The following PLD5 variants were observed in gnomAD, a reference collection of about 807,000 sequenced individuals.
PLD5 encodes the protein phospholipase D family member 5, also known as inactive phospholipase D5.
Under a neutral mutation model 61.1 loss-of-function variants are expected in PLD5, and 36 were observed. The observed-to-expected ratio is 0.59, with a 90% CI of 0.45 to 0.78. The LOEUF (loss-of-function observed/expected upper bound fraction) is 0.78, where lower values mean the gene tolerates loss of function less well. Among genes scored for constraint, PLD5 ranks in the 30% least tolerant of loss-of-function variants. The pLI is 0.00. For synonymous variants in PLD5, 243 were observed against 242.8 expected (o/e 1.00, Z -0.01); for missense variants, 515 against 644.4 (o/e 0.80, Z 2.17).
intron 2 of PLD5, among the ~76,000 whole-genome samples, chr1:242,302,811 TTC>T (rs1225896447): frequency 6.6e-6 from 1 of 152,168 alleles, no homozygotes; most frequent in Non-Finnish European, 1.5e-5. Flanking sequence ...ACATGTAAGC[TTC>T]TGTTTGTTTT....
At chr1:242,335,903 C>T (rs1002209751) in intron 2 of PLD5, among the ~76,000 whole-genome samples, 1 of 152,112 alleles carries the variant, frequency 6.6e-6, no homozygotes, top group African/African-American at 2.4e-5. Flanking sequence ...ATTAGATGTG[C>T]TCTGTGAGTG....
At chr1:242,468,617 T>A (rs1297323947) in intron 1 of PLD5, among the ~76,000 whole-genome samples, 1 of 152,098 alleles carries the variant, frequency 6.6e-6, no homozygotes, top group East Asian at 1.9e-4. Context: ...CATTCTACTC[T>A]TTACTTAACA....
chr1:242,377,196 C>T, intron 1 of PLD5: 1 of 1,611,608 alleles, frequency 6.2e-7, no homozygotes, highest in Non-Finnish European at 8.5e-7. Flanking sequence ...AGACGTGTAG[C>T]AGAGGCCACA....
chr1:242,458,377 T>C (rs1309279167), intron 1 of PLD5, among the ~76,000 whole-genome samples: 2 of 152,238 alleles, frequency 1.3e-5, no homozygotes, highest in African/African-American at 2.4e-5. Context: ...ATTTTCTCTA[T>C]AATATTACTT....
At chr1:242,462,052 C>A (rs554952810) in intron 1 of PLD5, among the ~76,000 whole-genome samples, 2 of 152,168 alleles carry the variant, frequency 1.3e-5, no homozygotes, top group African/African-American at 4.8e-5. Context: ...GTTTCTTTTA[C>A]TGTGCAGAAA....
At chr1:242,454,782 G>T (rs945804225) in intron 1 of PLD5, among the ~76,000 whole-genome samples, 1 of 152,154 alleles carries the variant, frequency 6.6e-6, no homozygotes, top group Non-Finnish European at 1.5e-5. Flanking sequence ...ATATCTAACA[G>T]AAAGCTTGAA....
intron 5 of PLD5, among the ~76,000 whole-genome samples, chr1:242,156,666 G>A (rs1665396832): frequency 6.6e-6 from 1 of 152,192 alleles, no homozygotes; most frequent in Non-Finnish European, 1.5e-5. Flanking sequence ...CTTTAAGAAT[G>A]TAGAATATTA....
intron 1 of PLD5, among the ~76,000 whole-genome samples, chr1:242,471,532 A>G (rs1354990650): frequency 3.9e-5 from 6 of 152,122 alleles, no homozygotes; most frequent in Non-Finnish European, 8.8e-5. Context: ...TTGTTCTTCT[A>G]TATCTAGTAC....
At chr1:242,268,306 T>C (rs1673832633) in intron 3 of PLD5, among the ~76,000 whole-genome samples, 1 of 152,182 alleles carries the variant, frequency 6.6e-6, no homozygotes, top group African/African-American at 2.4e-5. Context: ...AAACACTTCG[T>C]GTGTTCCGTA....
chr1:242,107,352 C>T (rs1033519335), intron 8 of PLD5, among the ~76,000 whole-genome samples: 1 of 151,976 alleles, frequency 6.6e-6, no homozygotes, highest in African/African-American at 2.4e-5. Context: ...GTCAAGGCTG[C>T]AGTGAGCCGG....
intron 5 of PLD5, among the ~76,000 whole-genome samples, chr1:242,170,586 G>T (rs1666674801): frequency 6.6e-6 from 1 of 152,160 alleles, no homozygotes; most frequent in Non-Finnish European, 1.5e-5. Flanking sequence ...GGCTTCAGAA[G>T]GTGGGTAATA....
At position 242,258,487 on chromosome 1, in the gene PLD5, T is replaced by C. The variant is rs1443538624; in HGVS notation, c.607+6850A>G. On this transcript the variant is annotated intron_variant, in intron 4 of 9. Transcript: ENST00000536534. ...AAATAACACTTATTACTCTAAGTCATTGATTCTGAAACATTTAGTCTTCAC... is the reference window on the plus strand; with the variant it reads ...AAATAACACTTATTACTCTAAGTCACTGATTCTGAAACATTTAGTCTTCAC... Among the ~76,000 whole-genome samples, 5 of 152,224 alleles carry C rather than the reference T, an allele frequency of 3.3e-5. No homozygotes were observed. In the South Asian group the frequency reaches 8.3e-4, roughly 25 times the overall value.
chr1:242,434,204 G>A (rs1225059221), intron 1 of PLD5, among the ~76,000 whole-genome samples: 4 of 152,202 alleles, frequency 2.6e-5, no homozygotes, highest in Non-Finnish European at 5.9e-5. Flanking sequence ...GACCAGCGTC[G>A]GTAGAAATGG....
At chr1:242,164,020 C>T (rs1666108725) in intron 5 of PLD5, among the ~76,000 whole-genome samples, 1 of 151,946 alleles carries the variant, frequency 6.6e-6, no homozygotes, top group East Asian at 1.9e-4. Context: ...TAGTTTGAGG[C>T]TTTTTAGGGA....
chr1:242,203,559 G>A (rs1012731536), intron 5 of PLD5: 4 of 152,248 alleles, frequency 2.6e-5, no homozygotes, highest in East Asian at 3.9e-4. Context: ...CCTCGGTGAA[G>A]ACTGAGTTTT....
rs1572291088 is a variant in PLD5, at chr1:242,524,259, G to C, written c.18C>G (p.His6Gln). The change falls in exon 1 of 10, where the codon CAC (histidine) becomes CAG (glutamine). Residue 6 changes from histidine (H) to glutamine (Q), a missense_variant. Around this residue, in one of 2 missense-constraint regions of PLD5, gnomAD observed 65 missense variants for 46.3 expected, o/e 1.40. Transcript: ENST00000536534. MEIRQ[H>Q]EWLSASPHEG... Reference sequence around the variant, plus strand: ...CATGGGGGGAGGCCGAGAGCCACTCGTGCTGCCGGATCTCCATCCTGACAT... The same window carrying C: ...CATGGGGGGAGGCCGAGAGCCACTCCTGCTGCCGGATCTCCATCCTGACAT... 6.7e-7 allele frequency: 1 copy of C among 1,487,536 alleles called. No individual in the cohort carries two copies. The highest frequency in any genetic ancestry group is 8.9e-7 in the Non-Finnish European group (1 of 1,123,298). The allele number at this position is 1,487,536 out of a possible 1,614,324, so 92.1% of individuals were successfully genotyped here. A position where few individuals can be genotyped will look rare whatever the true frequency, so the allele number is the denominator to read the frequency against.
In PLD5 at chr1:242,297,556, C is replaced by T. The variant is rs186531036; in HGVS notation, c.327-9026G>A. Reference sequence around the variant, plus strand: ...GAGTAGCTGGGAGTACAGGCATGCACCATCACATCCAGCTAACCATCACTT... The same window carrying T: ...GAGTAGCTGGGAGTACAGGCATGCATCATCACATCCAGCTAACCATCACTT... On this transcript the variant is annotated intron_variant, in intron 2 of 9. Transcript: ENST00000536534. Among the ~76,000 whole-genome samples the T allele has an allele frequency of 1.6e-3, 240 of 151,518 alleles. 1 individual carries two copies. Among genetic ancestry groups the T allele is most frequent in the Middle Eastern group, 3.4e-3 (1 of 294 alleles).
At chr1:242,372,282 A>G (rs1478077358) in intron 1 of PLD5, among the ~76,000 whole-genome samples, 1 of 152,180 alleles carries the variant, frequency 6.6e-6, no homozygotes, top group African/African-American at 2.4e-5. Context: ...GATGATCTCT[A>G]AAAGCCCTGC....
rs868158975 is a variant in PLD5, at chr1:242,207,826, A to T, written c.735+12162T>A. On this transcript the variant is annotated intron_variant, in intron 5 of 9. Transcript: ENST00000536534. ...TATATATATTTATATTTATATATTT[A>T]TATATATTTATATATTTATATATAT... 1.1e-3 allele frequency among the ~76,000 whole-genome samples: 50 copies of T among 46,702 alleles called. 3 individuals are homozygous for T. The highest frequency in any genetic ancestry group is 3.1e-3 in the African/African-American group (27 of 8,806). 30.6% of individuals were successfully genotyped at this position (46,702 alleles called of 152,430 possible).
Sources: allele counts gnomAD v4.1 joint callset (sites outside exome capture counted in the v4.1 genomes callset), GRCh38; gene constraint gnomAD v4.1.1; regional missense constraint gnomAD v4.1.1; transcripts MANE v1.5; gene names NCBI Gene and HGNC (gene_info 2026-07-23, HGNC 2026-07-21).